Variants in DPYSL4 observed in about 807,000 individuals in gnomAD.
DPYSL4 encodes dihydropyrimidinase like 4, also known as dihydropyrimidinase-related protein 4.
Under a neutral mutation model 63.4 loss-of-function variants are expected in DPYSL4, and 43 were observed. That is an observed-to-expected ratio of 0.68 (90% CI 0.53 to 0.88). The LOEUF (loss-of-function observed/expected upper bound fraction) is 0.88, where lower values mean the gene tolerates loss of function less well. Among genes scored for constraint, DPYSL4 ranks in the 40% least tolerant of loss-of-function variants. The pLI is 0.00. For synonymous variants in DPYSL4, 353 were observed against 331.7 expected, an observed-to-expected ratio of 1.06 and a Z score of -0.70; for missense variants, 733 against 819.5, an observed-to-expected ratio of 0.89 and a Z score of 1.29.
At chr10:132,201,323 C>T (rs2062015527) in intron 10 of DPYSL4, among the ~76,000 whole-genome samples, 3 of 152,276 alleles carry the variant, frequency 2.0e-5, no homozygotes, top group Middle Eastern at 3.4e-3. Flanking sequence ...CGTCGCACAC[C>T]GCCCTGTCCT....
chr10:132,191,421 G>A (rs558314298), intron 2 of DPYSL4, among the ~76,000 whole-genome samples: 12 of 124,224 alleles, frequency 9.7e-5, no homozygotes, highest in African/African-American at 1.8e-4. Flanking sequence ...TTCCCAGCTC[G>A]TGTGTACACG....
chr10:132,192,200 G>A (rs990497174), intron 2 of DPYSL4: 44 of 537,072 alleles, frequency 8.2e-5, no homozygotes, highest in East Asian at 3.0e-4. Context: ...TCAGAGCCCC[G>A]GCCTTTGGTG....
Position 132,186,996 on chromosome 10 carries a change from C to CGA in DPYSL4, c.-68_-67insGA. Reference sequence around the variant, plus strand: ...ACGCACGCGTCCCGGCTCACGCGTCCCCCCGCCCGCCCGCCCGCCCGCCCG... The same window carrying CGA: ...ACGCACGCGTCCCGGCTCACGCGTCCGACCCCGCCCGCCCGCCCGCCCGCCCG... On this transcript the variant is annotated 5_prime_UTR_variant, in exon 1 of 14. Coordinates refer to ENST00000338492, the MANE Select transcript of DPYSL4 (RefSeq NM_006426.3). The CGA allele has an allele frequency of 2.7e-5, 1 of 37,602 alleles. No homozygotes were observed. Among genetic ancestry groups the CGA allele is most frequent in the Non-Finnish European group, 5.0e-5 (1 of 20,070 alleles). The allele number at this position is 37,602 out of a possible 1,614,324, so 2.3% of individuals were successfully genotyped here. A position where few individuals can be genotyped will look rare whatever the true frequency, so the allele number is the denominator to read the frequency against.
At chr10:132,199,365 A>C (rs2061983432) in intron 8 of DPYSL4, among the ~76,000 whole-genome samples, 1 of 152,154 alleles carries the variant, frequency 6.6e-6, no homozygotes, top group Non-Finnish European at 1.5e-5. Flanking sequence ...ACAGAATGCC[A>C]GCCAGCTGGA....
chr10:132,204,866 G>T lies in DPYSL4; in HGVS notation c.1655G>T (p.Arg552Leu). ...SGSQADDHIA[R>L]RTAQKIMAPP... ...TCTCAGGCTGATGACCACATCGCCCGACGCACAGCACAGAAGATCATGGCA... is the reference window on the plus strand; with the variant it reads ...TCTCAGGCTGATGACCACATCGCCCTACGCACAGCACAGAAGATCATGGCA... The change falls in exon 14 of 14, where the codon CGA becomes CTA. Residue 552 changes from arginine (R) to leucine (L), a missense_variant. Arg to Leu is a moderately radical substitution (Grantham distance 102, BLOSUM62 -2). Transcript: ENST00000338492. 1 of 1,612,494 alleles carries T rather than the reference G, an allele frequency of 6.2e-7. No homozygotes were observed. The highest frequency in any genetic ancestry group is 1.3e-5 in the African/African-American group (1 of 74,972).
intron 4 of DPYSL4, among the ~76,000 whole-genome samples, chr10:132,195,611 A>G (rs2061933234): frequency 6.6e-6 from 1 of 152,122 alleles, no homozygotes; most frequent in South Asian, 2.1e-4. Context: ...GATGCCTGCT[A>G]CCCGTCCCCT....
intron 4 of DPYSL4, among the ~76,000 whole-genome samples, chr10:132,196,487 C>T (rs1019040027): frequency 6.6e-6 from 1 of 152,202 alleles, no homozygotes; most frequent in African/African-American, 2.4e-5. Flanking sequence ...CGGCCCTGGC[C>T]GCACTTCCAG....
At position 132,202,732 on chromosome 10, in the gene DPYSL4, CG is replaced by C; in HGVS notation, c.1371del (p.Lys458ArgfsTer49). On this transcript the variant is annotated frameshift_variant, in exon 12 of 14. Transcript: ENST00000338492. LOFTEE classifies it high-confidence loss of function. Reference sequence around the variant, plus strand: ...GTCAGGGCCGAGTGGCGCTGGAGGACGGGAAGATGTTTGTCACCCCGGGGGC... The same window carrying C: ...GTCAGGGCCGAGTGGCGCTGGAGGACGGAAGATGTTTGTCACCCCGGGGGC... ...ISQGRVALED[G>X]KMFVTPGAGR... The C allele has an allele frequency of 6.2e-7, 1 of 1,613,352 alleles. No individual in the cohort carries two copies. Among genetic ancestry groups the C allele is most frequent in the Non-Finnish European group, 8.5e-7 (1 of 1,179,950 alleles).
At position 132,187,114 on chromosome 10, in the gene DPYSL4, C is replaced by T; in HGVS notation, c.39+12C>T. ...TCCCCCGGATCACGGTGAGCCCGGTCCCGCTTCGCCCGGCGCCCCCTGCCC... is the reference window on the plus strand; with the variant it reads ...TCCCCCGGATCACGGTGAGCCCGGTTCCGCTTCGCCCGGCGCCCCCTGCCC... On this transcript the variant is annotated intron_variant, in intron 1 of 13. Transcript: ENST00000338492. The T allele has an allele frequency of 2.0e-6, 3 of 1,525,664 alleles. No homozygotes were observed. Among genetic ancestry groups the T allele is most frequent in the Non-Finnish European group, 2.7e-6 (3 of 1,131,510 alleles). The allele number at this position is 1,525,664 out of a possible 1,614,324, so 94.5% of individuals were successfully genotyped here. A position where few individuals can be genotyped will look rare whatever the true frequency, so the allele number is the denominator to read the frequency against.
In DPYSL4 at chr10:132,194,576, G is replaced by C. The variant is rs559383589; in HGVS notation, c.314-269G>C. Among the ~76,000 whole-genome samples the C allele has an allele frequency of 4.0e-5, 6 of 151,568 alleles. No homozygotes were observed. In the East Asian group the frequency reaches 7.7e-4, roughly 20 times the overall value. ...CAAGTGCGATGTGGGAGTAGGGATG[G>C]TTTGGGGTGGGGCTTTTCCTTTCTC... is the stretch of plus-strand genomic sequence containing the variant. On this transcript the variant is annotated intron_variant, in intron 3 of 13. Transcript: ENST00000338492.
Position 132,200,657 on chromosome 10 carries a change from C to G in DPYSL4, c.968+145C>G, listed in dbSNP as rs1412154155. Reference sequence around the variant, plus strand: ...GTGGGGAAGTCTGAGCCCTTTGGTCCCAGCGGGGGCTCCCCTGGCAGGAAC... The same window carrying G: ...GTGGGGAAGTCTGAGCCCTTTGGTCGCAGCGGGGGCTCCCCTGGCAGGAAC... On this transcript the variant is annotated intron_variant, in intron 9 of 13. Coordinates refer to ENST00000338492, the MANE Select transcript of DPYSL4 (RefSeq NM_006426.3). 5.1e-6 allele frequency: 7 copies of G among 1,374,084 alleles called. No individual in the cohort carries two copies. The Admixed American group carries it at 9.8e-5, about 19-fold the overall frequency. The allele number at this position is 1,374,084 out of a possible 1,614,324, so 85.1% of individuals were successfully genotyped here.
At chr10:132,194,815 G>C in intron 3 of DPYSL4, 30 bp from the exon 4 acceptor site, 1 of 1,604,312 alleles carries the variant, frequency 6.2e-7, no homozygotes, top group South Asian at 1.1e-5. Context: ...GGACCAGTGG[G>C]GGAAGCTGCT....
At position 132,202,044 on chromosome 10, in the gene DPYSL4, G is replaced by A; in HGVS notation, c.1209G>A (p.Val403=). The change falls in exon 11 of 14, where the codon GTG becomes GTA. Residue 403 remains valine, a synonymous_variant. Coordinates refer to ENST00000338492, the MANE Select transcript of DPYSL4 (RefSeq NM_006426.3). ...ACCCAAGGAAGGGGCGAGTGGCTGTGGGCTCTGACGCTGACCTGGTCATAT... is the reference window on the plus strand; with the variant it reads ...ACCCAAGGAAGGGGCGAGTGGCTGTAGGCTCTGACGCTGACCTGGTCATAT... ...NFYPRKGRVA[V]GSDADLVIWN... The A allele has an allele frequency of 3.1e-6, 5 of 1,613,282 alleles. No homozygotes were observed. The highest frequency in any genetic ancestry group is 1.3e-5 in the African/African-American group (1 of 75,062).
chr10:132,195,953 T>C (rs1455748034), intron 4 of DPYSL4, among the ~76,000 whole-genome samples: 4 of 152,218 alleles, frequency 2.6e-5, no homozygotes, highest in Non-Finnish European at 2.9e-5. Context: ...CTCAGTCCTG[T>C]GCCCACGGGG....
chr10:132,202,092 C>A lies in DPYSL4; in HGVS notation c.1257C>A (p.Ile419=). Residue 419 remains isoleucine, a synonymous_variant, in exon 11 of 14, where the codon ATC becomes ATA. Transcript: ENST00000338492. ...TATGGAACCCCAAGGCCACCAAGAT[C>A]ATCTCTGCCAAGACCCACAATCTGG... ...LVIWNPKATK[I]ISAKTHNLNV... 6.2e-7 allele frequency: 1 copy of A among 1,612,968 alleles called. No individual in the cohort carries two copies. Among genetic ancestry groups the A allele is most frequent in the Non-Finnish European group, 8.5e-7 (1 of 1,179,822 alleles).
chr10:132,200,084 CG>C (rs1289406504), intron 8 of DPYSL4, among the ~76,000 whole-genome samples: 1 of 152,150 alleles, frequency 6.6e-6, no homozygotes, highest in Non-Finnish European at 1.5e-5. Flanking sequence ...CTGGAGTGCC[CG>C]GGGTCCTGGG....
At chr10:132,196,710 G>C (rs756210725) in intron 4 of DPYSL4, 151 bp from the exon 5 acceptor site, 4 of 810,946 alleles carry the variant, frequency 4.9e-6, no homozygotes, top group Non-Finnish European at 6.0e-6. Context: ...ATGGAAGCGG[G>C]GGACTGCTCC....
At chr10:132,199,390 A>G (rs1243617792) in intron 8 of DPYSL4, among the ~76,000 whole-genome samples, 1 of 152,120 alleles carries the variant, frequency 6.6e-6, no homozygotes, top group Admixed American at 6.5e-5. Context: ...GGCACTGCAG[A>G]GAGCCTCAGG....
In DPYSL4 at chr10:132,194,843, A is replaced by G. The variant is rs1429248536; in HGVS notation, c.314-2A>G. On this transcript the variant is annotated splice_acceptor_variant, in intron 3 of 13. Transcript: ENST00000338492. LOFTEE classifies it high-confidence loss of function. ...AAGCTGCTGACCATGCTGCCTTCACAGTGGACCACGTCTTCCCCGACACGG... is the reference window on the plus strand; with the variant it reads ...AAGCTGCTGACCATGCTGCCTTCACGGTGGACCACGTCTTCCCCGACACGG... The G allele has an allele frequency of 2.5e-6, 4 of 1,612,058 alleles. No individual in the cohort carries two copies. In the South Asian group the frequency reaches 4.4e-5, roughly 18 times the overall value.
Sources: gnomAD v4.1 joint callset for allele counts (sites outside exome capture counted in the v4.1 genomes callset) on GRCh38, gnomAD v4.1.1 for gene constraint, MANE v1.5 for transcripts, NCBI Gene and HGNC (gene_info 2026-07-23, HGNC 2026-07-21) for gene names.